CYP4F11: variants seen among roughly 807,000 people sequenced by gnomAD.
CYP4F11 encodes cytochrome P450 4F11.
Under a neutral mutation model 62.2 loss-of-function variants are expected in CYP4F11, and 79 were observed. The ratio of observed to expected loss-of-function variants is 1.27; its 90% confidence interval spans 1.06 to 1.53. The LOEUF (loss-of-function observed/expected upper bound fraction) is 1.53. CYP4F11 is among the 40% of genes most tolerant of loss of function. The probability of loss-of-function intolerance (pLI) is 0.00; values close to 1 mark genes in which losing one functional copy is unlikely to be tolerated. For synonymous variants in CYP4F11, 290 were observed against 263.7 expected (o/e 1.10, Z -0.97); for missense variants, 777 against 680.5 (o/e 1.14, Z -1.58).
At chr19:15,934,159 C>T in intron 1 of CYP4F11, 52 bp downstream of exon 1, 2 of 1,597,432 alleles carry the variant, frequency 1.3e-6, no homozygotes, top group South Asian at 2.2e-5. Context: ...TCCTGCCCCT[C>T]AGGAACTCCA....
intron 4 of CYP4F11, among the ~76,000 whole-genome samples, chr19:15,926,753 A>T (rs941915885): frequency 6.6e-6 from 1 of 152,220 alleles, no homozygotes; most frequent in Non-Finnish European, 1.5e-5. Flanking sequence ...CCAAACAAAC[A>T]TGTGAATAAA....
At chr19:15,934,182 C>A (rs1335028744) in intron 1 of CYP4F11, 29 bp downstream of exon 1, 3 of 1,611,790 alleles carry the variant, frequency 1.9e-6, no homozygotes, top group Non-Finnish European at 2.5e-6. Flanking sequence ...CATCCTGAGA[C>A]CCCAGACCCG....
In CYP4F11 at chr19:15,930,386, T is replaced by C. The variant is rs1023815608; in HGVS notation, c.199-785A>G. ...TGGGTGGATCACCTGAGGTCAGGTG[T>C]TCGGGACCAGCCTGACCAACACAGC... is the stretch of plus-strand genomic sequence containing the variant. On this transcript the variant is annotated intron_variant, in intron 1 of 11. Coordinates refer to ENST00000402119, the MANE Select transcript of CYP4F11 (RefSeq NM_021187.4). Among the ~76,000 whole-genome samples the C allele has an allele frequency of 6.6e-5, 10 of 152,016 alleles. No individual in the cohort carries two copies. In the East Asian group the frequency reaches 1.4e-3, roughly 21 times the overall value.
intron 8 of CYP4F11, among the ~76,000 whole-genome samples, chr19:15,921,390 C>A (rs573643408): frequency 2.0e-5 from 3 of 152,306 alleles, no homozygotes; most frequent in Admixed American, 1.3e-4. Context: ...TTCTGTACCT[C>A]CAGTCATGCT....
At position 15,914,189 on chromosome 19, in the gene CYP4F11, G is replaced by A; in HGVS notation, c.1397+116C>T. On this transcript the variant is annotated intron_variant, in intron 11 of 11. Transcript: ENST00000402119. ...ACCCATTCTGTGAACAGTTGCCCAT[G>A]AACTCCTGAGGAAGGGAGGGAAGGA... 5 of 1,329,014 alleles carry A rather than the reference G, an allele frequency of 3.8e-6. No homozygotes were observed. The South Asian group carries it at 5.3e-5, about 14-fold the overall frequency. 82.3% of individuals were successfully genotyped at this position (1,329,014 alleles called of 1,614,324 possible). A position where few individuals can be genotyped will look rare whatever the true frequency, so the allele number is the denominator to read the frequency against.
intron 4 of CYP4F11, 77 bp from the exon 5 acceptor site, chr19:15,924,959 G>C: frequency 1.3e-6 from 2 of 1,483,546 alleles, no homozygotes; most frequent in Non-Finnish European, 1.8e-6. Context: ...CATCAAGATG[G>C]ACTCCCTGCA....
At position 15,924,874 on chromosome 19, in the gene CYP4F11, C is replaced by A. The variant is rs755088398; in HGVS notation, c.534G>T (p.Trp178Cys). Residue 178 changes from tryptophan (W) to cysteine (C), a missense_variant, in exon 5 of 12, where the codon TGG (tryptophan) becomes TGT (cysteine). By Grantham distance (215) the Trp-to-Cys change is radical. Coordinates refer to ENST00000402119, the MANE Select transcript of CYP4F11 (RefSeq NM_021187.4). ...CGCTGCCCTCTGAGGCCAGGCGCTG[C>A]CACTTGTCCTGGCCAGAGAAAAAAC... is the stretch of plus-strand genomic sequence containing the variant. The part of the protein sequence containing the change: ...NKSVNIMHDK[W>C]QRLASEGSAR... 3 of 1,610,818 alleles carry A rather than the reference C, an allele frequency of 1.9e-6. No individual in the cohort carries two copies. Among genetic ancestry groups the A allele is most frequent in the Non-Finnish European group, 2.5e-6 (3 of 1,178,166 alleles).
chr19:15,933,991 AAT>A (rs1220401957), intron 1 of CYP4F11, among the ~76,000 whole-genome samples: 7 of 112,658 alleles, frequency 6.2e-5, no homozygotes, highest in Admixed American at 9.4e-5. Context: ...CGGGGAGAGG[AAT>A]GAGTGAGTGG....
chr19:15,925,036 A>C (rs1033273909), intron 4 of CYP4F11, among the ~76,000 whole-genome samples, 154 bp from the exon 5 acceptor site: 4 of 152,184 alleles, frequency 2.6e-5, no homozygotes, highest in African/African-American at 4.8e-5. Flanking sequence ...ATAGGAGCAG[A>C]AACTGTTACT....
In CYP4F11 at chr19:15,934,496, T is replaced by A; in HGVS notation, c.-88A>T. ...CAAGGACAGTGGAAAGGGGCAAGGA[T>A]GGGCAGTGCTGGAGGCAGATCAGGG... On this transcript the variant is annotated 5_prime_UTR_variant, in exon 1 of 12. Coordinates refer to ENST00000402119, the MANE Select transcript of CYP4F11 (RefSeq NM_021187.4). 6.8e-7 allele frequency: 1 copy of A among 1,467,988 alleles called. No homozygotes were observed. 90.9% of individuals were successfully genotyped at this position (1,467,988 alleles called of 1,614,324 possible).
chr19:15,930,546 C>T (rs1162576426), intron 1 of CYP4F11, among the ~76,000 whole-genome samples: 6 of 152,010 alleles, frequency 3.9e-5, no homozygotes, highest in African/African-American at 7.3e-5. Context: ...GAGCTGAGAT[C>T]GCACCACTGC....
At chr19:15,923,562 A>G (rs536928617) in intron 6 of CYP4F11, among the ~76,000 whole-genome samples, 1 of 152,318 alleles carries the variant, frequency 6.6e-6, no homozygotes, top group African/African-American at 2.4e-5. Context: ...ATAGATATGC[A>G]TAAAAATATG....
intron 6 of CYP4F11, among the ~76,000 whole-genome samples, 181 bp from the exon 7 acceptor site, chr19:15,922,611 G>C (rs1342256957): frequency 1.3e-5 from 2 of 152,130 alleles, no homozygotes; most frequent in African/African-American, 2.4e-5. Context: ...CTTCCCGCTG[G>C]CTTCTTCACC....
chr19:15,922,099 C>T lies in CYP4F11; in HGVS notation c.1053G>A (p.Gln351=). The part of the protein sequence containing the change: ...LYHLAKHPEY[Q]EQCRQEVQEL... ...CTTGCACTTCTTGCCGGCACTGTTC[C>T]TGGTATTCTGGGTGCTTTGCAAGGT... The change falls in exon 8 of 12, where the codon CAG becomes CAA. Residue 351 remains glutamine, a synonymous_variant. Coordinates refer to ENST00000402119, the MANE Select transcript of CYP4F11 (RefSeq NM_021187.4). The T allele has an allele frequency of 1.2e-6, 2 of 1,614,112 alleles. No homozygotes were observed. The highest frequency in any genetic ancestry group is 1.7e-6 in the Non-Finnish European group (2 of 1,180,006).
chr19:15,927,874 A>C (rs548217072), intron 2 of CYP4F11: 25 of 208,110 alleles, frequency 1.2e-4, no homozygotes, highest in Admixed American at 5.3e-5. Flanking sequence ...ACAGTTGTTA[A>C]CATTCCCTGA....
chr19:15,914,907 C>T lies in CYP4F11; in HGVS notation c.1116-12G>A, dbSNP rs1222942418. ...GGGCCAGGTCGTCCCTAAGAAAACACCCCAGCCCCAATCATTATCAAGGGA... is the reference window on the plus strand; with the variant it reads ...GGGCCAGGTCGTCCCTAAGAAAACATCCCAGCCCCAATCATTATCAAGGGA... On this transcript the variant is annotated splice_polypyrimidine_tract_variant and intron_variant, in intron 8 of 11. Transcript: ENST00000402119. The T allele has an allele frequency of 2.5e-6, 4 of 1,613,276 alleles. No individual in the cohort carries two copies. The Admixed American group carries it at 6.7e-5, about 27-fold the overall frequency.
At chr19:15,930,704 G>A (rs934062359) in intron 1 of CYP4F11, among the ~76,000 whole-genome samples, 2 of 152,164 alleles carry the variant, frequency 1.3e-5, no homozygotes, top group East Asian at 1.9e-4. Context: ...TTTCAACCTG[G>A]GGATGGCCAC....
In CYP4F11 at chr19:15,913,824, G is replaced by C. The variant is rs139289962; in HGVS notation, c.1483C>G (p.His495Asp). The change falls in exon 12 of 12, where the codon CAC becomes GAC. Residue 495 changes from histidine (H) to aspartate (D), a missense_variant. Transcript: ENST00000402119. ...TCGGGTTTCCTGCGGGGTTCAGTGTGGGTCGGCAGGATGCGGAAGTGCAGC... is the reference window on the plus strand; with the variant it reads ...TCGGGTTTCCTGCGGGGTTCAGTGTCGGTCGGCAGGATGCGGAAGTGCAGC... ...TLLHFRILPT[H>D]TEPRRKPELI... The C allele has an allele frequency of 1.2e-6, 2 of 1,614,148 alleles. No homozygotes were observed. The highest frequency in any genetic ancestry group is 1.7e-6 in the Non-Finnish European group (2 of 1,180,020).
rs116965353 is a variant in CYP4F11 at position 15,920,478 on chromosome 19, A to G, written c.1115+1559T>C. On this transcript the variant is annotated intron_variant, in intron 8 of 11. Transcript: ENST00000402119. The stretch of plus-strand genomic sequence containing the variant: ...TCATTTTTTATCAAAATTTTTGGAC[A>G]CTTTTTTAAACAATGTGTAATTTTG... Among the ~76,000 whole-genome samples the G allele has an allele frequency of 2.9e-3, 449 of 152,276 alleles. 5 individuals are homozygous for G. In the East Asian group the frequency reaches 0.034, roughly 12 times the overall value.
Sources: allele counts gnomAD v4.1 joint callset (sites outside exome capture counted in the v4.1 genomes callset), GRCh38; gene constraint gnomAD v4.1.1; transcripts MANE v1.5; gene names NCBI Gene and HGNC (gene_info 2026-07-23, HGNC 2026-07-21).